Variants in ZBTB8A observed in about 807,000 individuals in gnomAD.
ZBTB8A encodes zinc finger and BTB domain containing 8A, also known as zinc finger and BTB domain-containing protein 8A.
In ZBTB8A, 19 loss-of-function variants were observed where a neutral mutation model predicts 37.8. That is an observed-to-expected ratio of 0.50 (90% CI 0.35 to 0.74). The LOEUF (loss-of-function observed/expected upper bound fraction) is 0.74. Among genes scored for constraint, ZBTB8A ranks in the 30% least tolerant of loss-of-function variants. The probability of loss-of-function intolerance (pLI) is 0.01; values close to 1 mark genes in which losing one functional copy is unlikely to be tolerated. For missense variants in ZBTB8A, 394 were observed against 537.8 expected, an observed-to-expected ratio of 0.73 and a Z score of 2.65; for synonymous variants, 181 against 185.2, an observed-to-expected ratio of 0.98 and a Z score of 0.19.
chr1:32,553,815 G>T (rs1644176610), intron 2 of ZBTB8A, among the ~76,000 whole-genome samples: 1 of 151,120 alleles, frequency 6.6e-6, no homozygotes, highest in African/African-American at 2.4e-5. Context: ...GAACCCGGGA[G>T]GTGGAGGTTG....
chr1:32,585,027 CT>C (rs1163697499), intron 2 of ZBTB8A, among the ~76,000 whole-genome samples: 619 of 105,596 alleles, frequency 5.9e-3, no homozygotes, highest in African/African-American at 0.013. Flanking sequence ...TTTCAGATTT[CT>C]TTTTTTTTTT....
At chr1:32,584,508 C>CT (rs1177778440) in intron 2 of ZBTB8A, among the ~76,000 whole-genome samples, 2,069 of 117,824 alleles carry the variant, frequency 0.018, 21 homozygotes, top group Non-Finnish European at 0.023. Context: ...TTCTTTCTTT[C>CT]TTTTTTTTTT....
At chr1:32,596,369 CAAAA>C (rs760050080) in intron 4 of ZBTB8A, among the ~76,000 whole-genome samples, 1 of 103,756 alleles carries the variant, frequency 9.6e-6, no homozygotes, top group Non-Finnish European at 2.0e-5. Context: ...GACTCCATCT[CAAAA>C]AAAAAAAAAA....
intron 4 of ZBTB8A, among the ~76,000 whole-genome samples, 183 bp downstream of exon 4, chr1:32,595,406 ACAGGTGTGTGCCACCACGCCTGGCTAAT>A (rs1444706634): frequency 6.6e-6 from 1 of 151,294 alleles, no homozygotes; most frequent in African/African-American, 2.4e-5. Context: ...TAGTTGGGAT[ACAGGTGTGTGCCACCACGCCTGGCTAAT>A]TTTTGTATTT....
intron 2 of ZBTB8A, 76 bp from the exon 3 acceptor site, chr1:32,592,855 C>A: frequency 7.9e-7 from 1 of 1,259,722 alleles, no homozygotes; most frequent in Non-Finnish European, 1.1e-6. Context: ...GGCCACAGAG[C>A]AAGATCCTGT....
chr1:32,580,157 G>T lies in ZBTB8A; in HGVS notation c.-1-12774G>T, dbSNP rs79136143. On this transcript the variant is annotated intron_variant, in intron 2 of 4. Transcript: ENST00000373510. ...TGGATTGAAGAATCACTTGAGCCTG[G>T]GTGGTGGACGTTGCAGTGAGCCAAG... 5.6e-3 allele frequency among the ~76,000 whole-genome samples: 859 copies of T among 152,120 alleles called. 18 individuals are homozygous for T. The East Asian group carries it at 0.078, about 14-fold the overall frequency.
chr1:32,568,400 T>C (rs1260458053), intron 2 of ZBTB8A, among the ~76,000 whole-genome samples: 1 of 152,042 alleles, frequency 6.6e-6, no homozygotes, highest in African/African-American at 2.4e-5. Flanking sequence ...ATTCTTTTTT[T>C]TTTTGAGATG....
intron 4 of ZBTB8A, among the ~76,000 whole-genome samples, chr1:32,598,964 C>T (rs1263143679): frequency 3.3e-5 from 5 of 151,886 alleles, no homozygotes; most frequent in Non-Finnish European, 7.4e-5. Context: ...TAACTGTCAC[C>T]CTAAAGCAGG....
intron 2 of ZBTB8A, among the ~76,000 whole-genome samples, chr1:32,553,829 T>A (rs1156487961): frequency 7.1e-6 from 1 of 141,280 alleles, no homozygotes; most frequent in East Asian, 2.1e-4. Flanking sequence ...GAGGTTGCGG[T>A]GAACCAAGAT....
chr1:32,567,825 A>AAAAAAAAAAAAAAAAAC (rs1644294123), intron 2 of ZBTB8A, among the ~76,000 whole-genome samples: 2 of 63,676 alleles, frequency 3.1e-5, no homozygotes, highest in Non-Finnish European at 5.3e-5. Flanking sequence ...AAAAAAAAAC[A>AAAAAAAAAAAAAAAAAC]AAAACAAAAC....
At chr1:32,570,197 T>C (rs556247017) in intron 2 of ZBTB8A, among the ~76,000 whole-genome samples, 6 of 152,338 alleles carry the variant, frequency 3.9e-5, no homozygotes, top group East Asian at 3.9e-4. Flanking sequence ...CAAAAGCCAA[T>C]TGATAAAGTA....
chr1:32,559,977 G>A (rs776186659), intron 2 of ZBTB8A, among the ~76,000 whole-genome samples: 1 of 152,090 alleles, frequency 6.6e-6, no homozygotes, highest in Non-Finnish European at 1.5e-5. Context: ...GGTTTAATTG[G>A]CTCACAGTTC....
At chr1:32,549,658 A>C (rs1199658309) in intron 1 of ZBTB8A, among the ~76,000 whole-genome samples, 1 of 152,146 alleles carries the variant, frequency 6.6e-6, no homozygotes, top group Non-Finnish European at 1.5e-5. Context: ...TGAGCCTAGG[A>C]GTTCGAGTTT....
chr1:32,558,438 AACAC>A (rs35047367), intron 2 of ZBTB8A, among the ~76,000 whole-genome samples: 4,873 of 145,660 alleles, frequency 0.033, 227 homozygotes, highest in African/African-American at 0.1. Flanking sequence ...CTAAGTATTA[AACAC>A]ACACACACAC....
At chr1:32,572,377 A>AT (rs1368267665) in intron 2 of ZBTB8A, among the ~76,000 whole-genome samples, 1 of 150,794 alleles carries the variant, frequency 6.6e-6, no homozygotes, top group Non-Finnish European at 1.5e-5. Context: ...CAGATTTTTA[A>AT]TTTTTTTCTT....
intron 2 of ZBTB8A, among the ~76,000 whole-genome samples, chr1:32,578,577 C>G (rs926455806): frequency 3.9e-5 from 6 of 151,988 alleles, no homozygotes; most frequent in Non-Finnish European, 8.8e-5. Flanking sequence ...TTAAAAAAAT[C>G]TTTGAGTATA....
chr1:32,593,616 C>T lies in ZBTB8A; in HGVS notation c.685C>T (p.Arg229Ter). Residue 229 changes from arginine (R) to a stop codon, truncating the protein, a stop_gained, in exon 3 of 5, where the codon CGA becomes TGA. Coordinates refer to ENST00000373510, the MANE Select transcript of ZBTB8A (RefSeq NM_001040441.3). LOFTEE classifies it high-confidence loss of function. ...AGTTACTCATTATAAGTCAAGCAAACGAGAAGTACGAACATCTGATTCTTC... is the reference window on the plus strand; with the variant it reads ...AGTTACTCATTATAAGTCAAGCAAATGAGAAGTACGAACATCTGATTCTTC... ...SEVTHYKSSK[R>*]EVRTSDSSSH... 3 of 1,614,190 alleles carry T rather than the reference C, an allele frequency of 1.9e-6. No homozygotes were observed. The highest frequency in any genetic ancestry group is 2.5e-6 in the Non-Finnish European group (3 of 1,180,048).
intron 2 of ZBTB8A, among the ~76,000 whole-genome samples, chr1:32,590,653 C>T (rs1487460986): frequency 6.6e-6 from 1 of 152,130 alleles, no homozygotes; most frequent in Non-Finnish European, 1.5e-5. Flanking sequence ...TCTAGGAATT[C>T]GTGGCAGGAA....
intron 1 of ZBTB8A, among the ~76,000 whole-genome samples, chr1:32,548,971 T>C (rs1644129052): frequency 6.6e-6 from 1 of 151,670 alleles, no homozygotes; most frequent in African/African-American, 2.4e-5. Context: ...GGCAGGCCGA[T>C]CATGAGGTCA....
Sources: allele counts gnomAD v4.1 joint callset (sites outside exome capture counted in the v4.1 genomes callset), GRCh38; gene constraint gnomAD v4.1.1; transcripts MANE v1.5; gene names NCBI Gene and HGNC (gene_info 2026-07-23, HGNC 2026-07-21).